ROBO1: variants seen among roughly 807,000 people sequenced by gnomAD.
ROBO1 encodes the protein roundabout guidance receptor 1, also known as roundabout homolog 1.
ROBO1 carries 149 observed loss-of-function variants against 195.9 expected under a neutral mutation model. That is an observed-to-expected ratio of 0.76 (90% confidence interval 0.67 to 0.87). The LOEUF is 0.87. ROBO1 is among the 40% of genes least tolerant of loss of function. ROBO1 has a pLI of 0.00. For synonymous variants in ROBO1, 816 were observed against 733.2 expected (o/e 1.11, Z -1.82); for missense variants, 1,933 against 2,068.3 (o/e 0.93, Z 1.27).
At position 79,367,284 on chromosome 3, in the gene ROBO1, A is replaced by G. The variant is rs577106637; in HGVS notation, c.88+222540T>C. Among the ~76,000 whole-genome samples the G allele has an allele frequency of 2.6e-5, 4 of 152,258 alleles. No individual in the cohort carries two copies. In the East Asian group the frequency reaches 7.7e-4, roughly 29 times the overall value. On this transcript the variant is annotated intron_variant, in intron 2 of 30. Transcript: ENST00000464233. ...AGACTGACTCAGTTTGAATGGAATC[A>G]GGGAATTTCCAGCTTTCAAGTGACC... is the stretch of plus-strand genomic sequence containing the variant.
chr3:78,608,460 A>G (rs1703597842), intron 28 of ROBO1, among the ~76,000 whole-genome samples: 1 of 152,206 alleles, frequency 6.6e-6, no homozygotes, highest in African/African-American at 2.4e-5. Context: ...TAGTCATAAA[A>G]TTTGATATCT....
chr3:79,609,832 G>T (rs1248961189), intron 1 of ROBO1, among the ~76,000 whole-genome samples: 1 of 151,784 alleles, frequency 6.6e-6, no homozygotes, highest in Non-Finnish European at 1.5e-5. Context: ...CCGGAGGTTT[G>T]CAGGAGTTGA....
At chr3:78,695,625 C>CAAAAAAAAA (rs1172592248) in intron 8 of ROBO1, among the ~76,000 whole-genome samples, 1 of 54,526 alleles carries the variant, frequency 1.8e-5, no homozygotes, top group Non-Finnish European at 3.6e-5. Context: ...ACTCTTGTCT[C>CAAAAAAAAA]AAAAAAAAAA....
At chr3:78,991,049 T>C (rs1373475259) in intron 3 of ROBO1, among the ~76,000 whole-genome samples, 1 of 152,190 alleles carries the variant, frequency 6.6e-6, no homozygotes, top group Non-Finnish European at 1.5e-5. Flanking sequence ...TGTTAATTAT[T>C]ACAGGTAATA....
chr3:79,081,510 G>T (rs769149763), intron 3 of ROBO1, among the ~76,000 whole-genome samples: 3 of 152,240 alleles, frequency 2.0e-5, no homozygotes, highest in Non-Finnish European at 4.4e-5. Context: ...GAGGGAGAAG[G>T]TTACTTAATC....
intron 1 of ROBO1, among the ~76,000 whole-genome samples, chr3:79,622,122 C>T (rs1945027110): frequency 2.0e-5 from 3 of 152,146 alleles, no homozygotes; most frequent in Admixed American, 1.3e-4. Flanking sequence ...GGAGCCACCT[C>T]TCCACAGTCA....
chr3:79,118,865 A>G (rs1393502724), intron 3 of ROBO1, among the ~76,000 whole-genome samples: 1 of 130,982 alleles, frequency 7.6e-6, no homozygotes, highest in Non-Finnish European at 1.6e-5. Context: ...CTCCAACTCA[A>G]AAAAAAAAAA....
intron 4 of ROBO1, among the ~76,000 whole-genome samples, chr3:78,748,430 TAAA>T (rs2108291906): frequency 0.024 from 1 of 42 alleles, no homozygotes; most frequent in Admixed American, 0.17. Context: ...CTGTCTCAAA[TAAA>T]TAAATAAATA....
intron 4 of ROBO1, among the ~76,000 whole-genome samples, chr3:78,821,111 A>G (rs1016005915): frequency 8.5e-5 from 13 of 152,048 alleles, no homozygotes; most frequent in African/African-American, 3.1e-4. Flanking sequence ...TGAAACTTCA[A>G]ATTCTATTAC....
At chr3:79,380,337 CTT>C (rs1447624132) in intron 2 of ROBO1, among the ~76,000 whole-genome samples, 1 of 151,986 alleles carries the variant, frequency 6.6e-6, no homozygotes, top group Non-Finnish European at 1.5e-5. Flanking sequence ...CTCTTTTTCC[CTT>C]GTCTGTTCCT....
intron 2 of ROBO1, among the ~76,000 whole-genome samples, chr3:79,457,629 G>C (rs565809450): frequency 8.5e-5 from 13 of 152,072 alleles, no homozygotes; most frequent in African/African-American, 3.1e-4. Flanking sequence ...TGAATCATGG[G>C]GGCAGGTATT....
chr3:78,923,247 T>A (rs1330268094), intron 4 of ROBO1, among the ~76,000 whole-genome samples: 2 of 152,158 alleles, frequency 1.3e-5, no homozygotes, highest in African/African-American at 4.8e-5. Context: ...TGCCAGGTAC[T>A]GTTCTAGATC....
chr3:79,427,017 G>T (rs1015596404), intron 2 of ROBO1, among the ~76,000 whole-genome samples: 2 of 151,960 alleles, frequency 1.3e-5, no homozygotes, highest in African/African-American at 4.8e-5. Context: ...AACAAAAATG[G>T]CCATATTCTA....
chr3:79,155,477 G>A (rs2080842965), intron 2 of ROBO1, among the ~76,000 whole-genome samples: 1 of 151,568 alleles, frequency 6.6e-6, no homozygotes, highest in Non-Finnish European at 1.5e-5. Flanking sequence ...AAATTATTTA[G>A]TGACTCAAAT....
intron 4 of ROBO1, among the ~76,000 whole-genome samples, chr3:78,809,768 C>T (rs1166969450): frequency 6.6e-6 from 1 of 152,092 alleles, no homozygotes; most frequent in Admixed American, 6.6e-5. Flanking sequence ...CATGTTCTCA[C>T]TCATAAGTGG....
At chr3:79,126,764 T>C (rs1043793427) in intron 2 of ROBO1, among the ~76,000 whole-genome samples, 2 of 152,166 alleles carry the variant, frequency 1.3e-5, no homozygotes, top group Non-Finnish European at 2.9e-5. Context: ...TACATGCAGG[T>C]ACTGCCCCTC....
At chr3:78,759,826 C>T (rs890332944) in intron 4 of ROBO1, among the ~76,000 whole-genome samples, 1 of 148,068 alleles carries the variant, frequency 6.8e-6, no homozygotes, top group Admixed American at 6.7e-5. Flanking sequence ...ATCTAAACAG[C>T]ATGCCTTTTA....
intron 3 of ROBO1, among the ~76,000 whole-genome samples, chr3:79,096,467 G>T (rs915183017): frequency 6.6e-6 from 1 of 151,706 alleles, no homozygotes; most frequent in Non-Finnish European, 1.5e-5. Flanking sequence ...TCCCCTTCAT[G>T]ATTTTACCCA....
At chr3:79,074,159 C>CA (rs1223398499) in intron 3 of ROBO1, among the ~76,000 whole-genome samples, 3 of 151,536 alleles carry the variant, frequency 2.0e-5, no homozygotes, top group Non-Finnish European at 2.9e-5. Flanking sequence ...TTGGAAACAA[C>CA]AAAAAAATCC....
Sources: allele counts gnomAD v4.1 joint callset (sites outside exome capture counted in the v4.1 genomes callset), GRCh38; gene constraint gnomAD v4.1.1; transcripts MANE v1.5; gene names NCBI Gene and HGNC (gene_info 2026-07-23, HGNC 2026-07-21).